The following PLD5 variants were observed in gnomAD, a reference collection of about 807,000 sequenced individuals.
The protein encoded by PLD5 is phospholipase D family member 5.
PLD5 carries 36 observed loss-of-function variants against 61.1 expected under a neutral mutation model. The observed-to-expected ratio is 0.59, with a 90% CI of 0.45 to 0.78. PLD5 has a LOEUF of 0.78. Ranked by LOEUF, PLD5 falls within the 30% of genes least tolerant of loss-of-function variation. PLD5 has a pLI of 0.00. For synonymous variants in PLD5, 243 were observed against 242.8 expected (o/e 1.00, Z -0.01); for missense variants, 515 against 644.4 (o/e 0.80, Z 2.17).
At position 242,089,406 on chromosome 1, in the gene PLD5, A is replaced by C; in HGVS notation, c.*448T>G. The C allele has an allele frequency of 1.0e-5, 4 of 400,922 alleles. No homozygotes were observed. The Admixed American group carries it at 1.3e-4, about 13-fold the overall frequency. The allele number at this position is 400,922 out of a possible 1,614,324, so 24.8% of individuals were successfully genotyped here. On this transcript the variant is annotated 3_prime_UTR_variant, in exon 10 of 10. Transcript: ENST00000536534. ...GCTGACTGTGTAGGTCTTGGAGACG[A>C]TTTACAAGAATAAACACTTGGTTTT...
At chr1:242,144,650 A>G (rs1005612756) in intron 5 of PLD5, among the ~76,000 whole-genome samples, 1 of 152,018 alleles carries the variant, frequency 6.6e-6, no homozygotes, top group African/African-American at 2.4e-5. Context: ...GTGTGGTGGC[A>G]CGTGCCTGTG....
intron 2 of PLD5, among the ~76,000 whole-genome samples, chr1:242,330,581 G>T (rs1221534654): frequency 6.6e-6 from 1 of 152,168 alleles, no homozygotes; most frequent in Non-Finnish European, 1.5e-5. Flanking sequence ...CTTGATGGTA[G>T]AAACTGATCA....
intron 5 of PLD5, among the ~76,000 whole-genome samples, chr1:242,197,539 A>C (rs1668709108): frequency 6.6e-6 from 1 of 152,018 alleles, no homozygotes; most frequent in Non-Finnish European, 1.5e-5. Context: ...TTCTCCAACC[A>C]GTTCCTCTCC....
chr1:242,254,813 C>T (rs955925105), intron 4 of PLD5, among the ~76,000 whole-genome samples: 9 of 152,202 alleles, frequency 5.9e-5, no homozygotes, highest in South Asian at 2.1e-4. Context: ...ATGCTAATTA[C>T]GCTGCTAATT....
chr1:242,357,469 C>T (rs1660814603), intron 1 of PLD5, among the ~76,000 whole-genome samples: 1 of 150,286 alleles, frequency 6.7e-6, no homozygotes, highest in Non-Finnish European at 1.5e-5. Flanking sequence ...GGTTTCTTTC[C>T]TCAATTAATG....
intron 5 of PLD5, among the ~76,000 whole-genome samples, chr1:242,154,919 G>A (rs1257823202): frequency 6.6e-6 from 1 of 152,132 alleles, no homozygotes; most frequent in African/African-American, 2.4e-5. Context: ...CAGAAGGAAT[G>A]GTACCAGCTC....
intron 8 of PLD5, among the ~76,000 whole-genome samples, chr1:242,103,332 C>T (rs1660824255): frequency 6.6e-6 from 1 of 152,212 alleles, no homozygotes; most frequent in East Asian, 1.9e-4. Flanking sequence ...CCTGTCCCCT[C>T]ACTGGCTTGC....
intron 1 of PLD5, among the ~76,000 whole-genome samples, chr1:242,497,403 GATGCAATGC>G (rs1668406103): frequency 1.3e-5 from 2 of 152,086 alleles, no homozygotes; most frequent in Non-Finnish European, 2.9e-5. Flanking sequence ...TGACCTCTCA[GATGCAATGC>G]ACCTGCCCAA....
At chr1:242,260,309 T>C (rs1255891440) in intron 4 of PLD5, among the ~76,000 whole-genome samples, 2 of 150,380 alleles carry the variant, frequency 1.3e-5, no homozygotes, top group Admixed American at 1.3e-4. Context: ...ATGGCACCAT[T>C]GCACTCCAGC....
intron 2 of PLD5, among the ~76,000 whole-genome samples, chr1:242,302,897 C>T (rs1300727722): frequency 6.6e-6 from 1 of 152,058 alleles, no homozygotes; most frequent in Non-Finnish European, 1.5e-5. Context: ...GAAATTTTTA[C>T]CCCCTTACAC....
chr1:242,512,957 G>A (rs1668979239), intron 1 of PLD5, among the ~76,000 whole-genome samples: 1 of 151,430 alleles, frequency 6.6e-6, no homozygotes, highest in South Asian at 2.1e-4. Flanking sequence ...TTGCAGTCTC[G>A]TCCTCCTGAG....
intron 2 of PLD5, among the ~76,000 whole-genome samples, chr1:242,308,685 G>A (rs781585255): frequency 2.6e-5 from 4 of 151,994 alleles, no homozygotes; most frequent in Non-Finnish European, 4.4e-5. Flanking sequence ...AATTAAATTC[G>A]AAACCTCTGA....
intron 5 of PLD5, among the ~76,000 whole-genome samples, chr1:242,161,326 G>GACTT (rs1245216908): frequency 6.6e-6 from 1 of 152,044 alleles, no homozygotes; most frequent in Non-Finnish European, 1.5e-5. Flanking sequence ...GATCTCGTGA[G>GACTT]ACTTATTCAC....
intron 1 of PLD5, among the ~76,000 whole-genome samples, chr1:242,427,053 T>C (rs1169564613): frequency 6.6e-6 from 1 of 152,196 alleles, no homozygotes; most frequent in Non-Finnish European, 1.5e-5. Flanking sequence ...GAATCACCAC[T>C]TAGAGAAAAG....
At chr1:242,113,084 C>CTTTTTTTTTTTTTTT (rs71570931) in intron 7 of PLD5, among the ~76,000 whole-genome samples, 1 of 110,694 alleles carries the variant, frequency 9.0e-6, no homozygotes, top group Non-Finnish European at 1.8e-5. Context: ...CTCTCTCTCT[C>CTTTTTTTTTTTTTTT]TTTTTTTTTT....
intron 1 of PLD5, among the ~76,000 whole-genome samples, chr1:242,464,232 T>G (rs6673145): frequency 0.69 from 104,637 of 151,918 alleles, 36,789 homozygotes; most frequent in African/African-American, 0.83. Context: ...AGCCCTTTAT[T>G]GTCCCCTAGT....
intron 1 of PLD5, among the ~76,000 whole-genome samples, chr1:242,481,617 G>C (rs1667780025): frequency 6.6e-6 from 1 of 152,350 alleles, no homozygotes; most frequent in East Asian, 1.9e-4. Context: ...TGCCTCTGTA[G>C]ACTGCACCTC....
chr1:242,337,228 T>C (rs2149208413), intron 2 of PLD5, among the ~76,000 whole-genome samples: 1 of 19,128 alleles, frequency 5.2e-5, no homozygotes, highest in South Asian at 1.7e-3. Flanking sequence ...ACTTTCTATT[T>C]TCTCTTCTAT....
chr1:242,408,303 T>G (rs1214518033), intron 1 of PLD5, among the ~76,000 whole-genome samples: 1 of 151,988 alleles, frequency 6.6e-6, no homozygotes, highest in Admixed American at 6.5e-5. Context: ...TGTTAATAAT[T>G]ATGGAGACTA....
Sources: allele counts gnomAD v4.1 joint callset (sites outside exome capture counted in the v4.1 genomes callset), GRCh38; gene constraint gnomAD v4.1.1; transcripts MANE v1.5; gene names NCBI Gene and HGNC (gene_info 2026-07-23, HGNC 2026-07-21).